Variants in MCF2L2 observed in about 807,000 individuals in gnomAD.
The protein encoded by MCF2L2 is probable guanine nucleotide exchange factor MCF2L2.
Under a neutral mutation model 150.2 loss-of-function variants are expected in MCF2L2, and 102 were observed. The ratio of observed to expected loss-of-function variants is 0.68; its 90% CI spans 0.58 to 0.80. The LOEUF (loss-of-function observed/expected upper bound fraction) is 0.80, where lower values mean the gene tolerates loss of function less well. Ranked by LOEUF, MCF2L2 falls within the 30% of genes least tolerant of loss-of-function variation. The pLI is 0.00. For missense variants in MCF2L2, 1,256 were observed against 1,372.8 expected (o/e 0.91, Z 1.34); for synonymous variants, 465 against 491.3 (o/e 0.95, Z 0.71).
At chr3:183,275,484 T>C in intron 15 of MCF2L2, among the ~76,000 whole-genome samples, 1 of 152,268 alleles carries the variant, frequency 6.6e-6, no homozygotes, top group Non-Finnish European at 1.5e-5. Flanking sequence ...GTGGCTAATT[T>C]TGCCTTTTCT....
At position 183,229,745 on chromosome 3, in the gene MCF2L2, G is replaced by A; in HGVS notation, c.1966C>T (p.His656Tyr). 1.2e-6 allele frequency: 2 copies of A among 1,601,504 alleles called. No individual in the cohort carries two copies. Among genetic ancestry groups the A allele is most frequent in the Non-Finnish European group, 1.7e-6 (2 of 1,170,128 alleles). ...ITPMDFIWLK[H>Y]LIPDVLQNNK... ...TTCTGAAGAACATCTGGAATTAGATGCTTTAGCCAAATAAAATCCATTGGA... is the reference window on the plus strand; with the variant it reads ...TTCTGAAGAACATCTGGAATTAGATACTTTAGCCAAATAAAATCCATTGGA... Residue 656 changes from histidine to tyrosine, a missense_variant, in exon 17 of 30, where the codon CAT (histidine) becomes TAT (tyrosine). Physicochemically the swap from His to Tyr is moderately conservative, Grantham distance 83 (BLOSUM62 2). Coordinates refer to ENST00000328913, the MANE Select transcript of MCF2L2 (RefSeq NM_015078.4).
intron 26 of MCF2L2, 78 bp from the exon 27 acceptor site, chr3:183,193,174 G>A (rs1436230622): frequency 2.4e-5 from 29 of 1,197,440 alleles, no homozygotes; most frequent in Non-Finnish European, 3.1e-5. Flanking sequence ...TTGGAGTAAC[G>A]CTGGCCCACC....
intron 15 of MCF2L2, among the ~76,000 whole-genome samples, chr3:183,253,038 A>T (rs1212604715): frequency 6.6e-6 from 1 of 152,196 alleles, no homozygotes; most frequent in African/African-American, 2.4e-5. Context: ...CCATTTGAGT[A>T]AGTGATCGCA....
chr3:183,278,928 G>C (rs139503776), intron 14 of MCF2L2, among the ~76,000 whole-genome samples: 1 of 152,300 alleles, frequency 6.6e-6, no homozygotes, highest in East Asian at 1.9e-4. Flanking sequence ...CTGCTGACAT[G>C]TGTCAGATGG....
intron 3 of MCF2L2, among the ~76,000 whole-genome samples, chr3:183,343,446 C>A (rs1730778468): frequency 6.6e-6 from 1 of 151,372 alleles, no homozygotes; most frequent in South Asian, 2.1e-4. Flanking sequence ...TCTTGGCTCA[C>A]TGCAACCTCT....
intron 3 of MCF2L2, among the ~76,000 whole-genome samples, chr3:183,370,008 G>C (rs915707424): frequency 2.0e-5 from 3 of 152,166 alleles, no homozygotes; most frequent in African/African-American, 7.2e-5. Context: ...AAATAGGAGA[G>C]GAGGCTGCTT....
At chr3:183,364,387 G>A (rs1712398090) in intron 3 of MCF2L2, among the ~76,000 whole-genome samples, 1 of 152,114 alleles carries the variant, frequency 6.6e-6, no homozygotes, top group African/African-American at 2.4e-5. Flanking sequence ...GGGCATGGTG[G>A]TGGGTGCCTG....
chr3:183,184,016 TG>T (rs763145959), intron 27 of MCF2L2, among the ~76,000 whole-genome samples: 4 of 152,334 alleles, frequency 2.6e-5, no homozygotes, highest in East Asian at 1.9e-4. Context: ...TGTTTTGTTT[TG>T]TTTTTTTGTT....
Position 183,309,711 on chromosome 3 carries a change from C to T in MCF2L2, c.1113+5G>A. 1 of 1,613,978 alleles carries T rather than the reference C, an allele frequency of 6.2e-7. No individual in the cohort carries two copies. Among genetic ancestry groups the T allele is most frequent in the Non-Finnish European group, 8.5e-7 (1 of 1,179,956 alleles). ...CCCAGTACACAAAAATGTCAGAAAG[C>T]AAACCTGGCTTTTTTCCTCCAGTTT... On this transcript the variant is annotated splice_donor_5th_base_variant and intron_variant, in intron 10 of 29. Transcript: ENST00000328913.
chr3:183,391,505 C>A (rs1004342678), intron 1 of MCF2L2, among the ~76,000 whole-genome samples: 10 of 152,156 alleles, frequency 6.6e-5, no homozygotes, highest in Admixed American at 6.5e-4. Context: ...AGGGGGCCTT[C>A]TCTGTTAGAA....
At chr3:183,212,886 G>A (rs892502240) in intron 22 of MCF2L2, among the ~76,000 whole-genome samples, 3 of 138,376 alleles carry the variant, frequency 2.2e-5, no homozygotes, top group South Asian at 2.3e-4. Flanking sequence ...CACAGTGCTT[G>A]GTGCCTTACC....
At chr3:183,277,193 C>T (rs958887408) in intron 14 of MCF2L2, among the ~76,000 whole-genome samples, 2 of 151,962 alleles carry the variant, frequency 1.3e-5, no homozygotes, top group East Asian at 1.9e-4. Flanking sequence ...AGGTATCGGC[C>T]GGGCGTGGTG....
chr3:183,238,291 T>C (rs1723834539), intron 15 of MCF2L2, among the ~76,000 whole-genome samples: 1 of 151,148 alleles, frequency 6.6e-6, no homozygotes, highest in Admixed American at 6.6e-5. Flanking sequence ...AGTGTTAATG[T>C]ATTTTTTGTT....
At chr3:183,202,884 T>C (rs1226804015) in intron 25 of MCF2L2, among the ~76,000 whole-genome samples, 1 of 152,254 alleles carries the variant, frequency 6.6e-6, no homozygotes, top group African/African-American at 2.4e-5. Flanking sequence ...ATGCAGTCCA[T>C]ACCCAGGGAA....
At chr3:183,401,632 C>T (rs1714761743) in intron 1 of MCF2L2, among the ~76,000 whole-genome samples, 1 of 152,178 alleles carries the variant, frequency 6.6e-6, no homozygotes, top group Non-Finnish European at 1.5e-5. Flanking sequence ...ACCACTGTGA[C>T]TTTTTTCGAT....
chr3:183,414,854 T>G (rs981939161), intron 1 of MCF2L2, among the ~76,000 whole-genome samples: 1 of 152,230 alleles, frequency 6.6e-6, no homozygotes, highest in Non-Finnish European at 1.5e-5. Context: ...TTTGTGAATT[T>G]TCACATTTCC....
intron 3 of MCF2L2, among the ~76,000 whole-genome samples, chr3:183,368,444 T>C (rs183626119): frequency 6.6e-6 from 1 of 152,216 alleles, no homozygotes; most frequent in Non-Finnish European, 1.5e-5. Flanking sequence ...GGTTCAGTAG[T>C]TGAGGTAGAG....
intron 15 of MCF2L2, among the ~76,000 whole-genome samples, chr3:183,249,128 A>C (rs1244758747): frequency 6.6e-6 from 1 of 152,256 alleles, no homozygotes; most frequent in Non-Finnish European, 1.5e-5. Context: ...GATTGTTCCT[A>C]CAAAAATGTC....
At chr3:183,203,266 C>T (rs1345430558) in intron 25 of MCF2L2, among the ~76,000 whole-genome samples, 1 of 151,938 alleles carries the variant, frequency 6.6e-6, no homozygotes, top group Non-Finnish European at 1.5e-5. Context: ...AGCCAAGATA[C>T]TGACTTTACT....
Sources: gnomAD v4.1 joint callset for allele counts (sites outside exome capture counted in the v4.1 genomes callset) on GRCh38, gnomAD v4.1.1 for gene constraint, MANE v1.5 for transcripts, NCBI Gene and HGNC (gene_info 2026-07-23, HGNC 2026-07-21) for gene names.